WAC: variants seen among roughly 807,000 people sequenced by gnomAD.
WAC encodes the protein WW domain-containing adapter protein with coiled-coil.
In WAC, 11 loss-of-function variants were observed where a neutral mutation model predicts 79.6. That is an observed-to-expected ratio of 0.14 (90% CI 0.09 to 0.23). WAC has a LOEUF of 0.23. WAC is among the 10% of genes least tolerant of loss of function. The pLI is 1.00. For missense variants in WAC, 728 were observed against 773.5 expected (o/e 0.94, Z 0.70); for synonymous variants, 304 against 276.9 (o/e 1.10, Z -0.97).
intron 3 of WAC, among the ~76,000 whole-genome samples, chr10:28,571,355 T>C (rs1838954440): frequency 6.6e-6 from 1 of 152,214 alleles, no homozygotes; most frequent in Admixed American, 6.5e-5. Context: ...TGAGATCTGT[T>C]CTTTCTTTAG....
At chr10:28,539,583 TC>T (rs764724352) in intron 3 of WAC, among the ~76,000 whole-genome samples, 6 of 142,066 alleles carry the variant, frequency 4.2e-5, no homozygotes, top group South Asian at 2.3e-4. Flanking sequence ...TTTTTTTTTT[TC>T]TGGAGACAGA....
intron 3 of WAC, among the ~76,000 whole-genome samples, chr10:28,578,028 G>T (rs189507540): frequency 4.4e-4 from 67 of 152,196 alleles, no homozygotes; most frequent in Admixed American, 1.2e-3. Flanking sequence ...ACATGGTAGC[G>T]TATATCTGTA....
intron 3 of WAC, among the ~76,000 whole-genome samples, chr10:28,547,231 T>G (rs1042908200): frequency 1.3e-5 from 2 of 152,180 alleles, no homozygotes; most frequent in African/African-American, 4.8e-5. Flanking sequence ...TACATATGTT[T>G]GCTTAAAGAT....
At chr10:28,599,953 G>T (rs888960658) in intron 7 of WAC, among the ~76,000 whole-genome samples, 19 of 152,064 alleles carry the variant, frequency 1.2e-4, no homozygotes, top group African/African-American at 4.6e-4. Context: ...TTTATCAGTT[G>T]GCACCCAAAT....
intron 3 of WAC, among the ~76,000 whole-genome samples, chr10:28,559,891 TCA>T (rs977478945): frequency 6.6e-6 from 1 of 152,182 alleles, no homozygotes; most frequent in African/African-American, 2.4e-5. Flanking sequence ...CTTTTCTTTC[TCA>T]CAAGGGCTAG....
At chr10:28,605,081 G>A (rs1252538279) in intron 7 of WAC, among the ~76,000 whole-genome samples, 1 of 152,158 alleles carries the variant, frequency 6.6e-6, no homozygotes, top group Non-Finnish European at 1.5e-5. Flanking sequence ...TTGAGAGAGT[G>A]GAGCAATAAA....
In WAC at chr10:28,621,762, C is replaced by CT. The variant is rs1187890602; in HGVS notation, c.*2158dup. On this transcript the variant is annotated 3_prime_UTR_variant, in exon 14 of 14. Coordinates refer to ENST00000354911, the MANE Select transcript of WAC (RefSeq NM_016628.5). ...TTTAGGTAAATTTGAATTTGATTTGCTTATAGTCTACTGGTCTGTGTACCT... is the reference window on the plus strand; with the variant it reads ...TTTAGGTAAATTTGAATTTGATTTGCTTTATAGTCTACTGGTCTGTGTACCT... 1 of 152,130 alleles carries CT rather than the reference C, an allele frequency of 6.6e-6. No individual in the cohort carries two copies. The highest frequency in any genetic ancestry group is 6.6e-5 in the Admixed American group (1 of 15,266). 9.4% of individuals were successfully genotyped at this position (152,130 alleles called of 1,614,324 possible).
intron 13 of WAC, among the ~76,000 whole-genome samples, chr10:28,619,084 G>A (rs1841594914): frequency 6.6e-6 from 1 of 152,222 alleles, no homozygotes; most frequent in African/African-American, 2.4e-5. Context: ...TTCAAGACCA[G>A]CCTGGCCAAC....
intron 7 of WAC, among the ~76,000 whole-genome samples, chr10:28,607,114 A>G (rs1268218528): frequency 6.6e-6 from 1 of 152,130 alleles, no homozygotes; most frequent in Non-Finnish European, 1.5e-5. Context: ...CAGTTTGTCT[A>G]TTTTGACGTA....
In WAC at chr10:28,534,057, A is replaced by G. The variant is rs375772169; in HGVS notation, c.78+23A>G. ...CAGGTACCAGCCGAGGCCGGGGTGG[A>G]GGGATTGGAAGGGGCCGGAGGGGGA... On this transcript the variant is annotated intron_variant, in intron 2 of 13. Coordinates refer to ENST00000354911, the MANE Select transcript of WAC (RefSeq NM_016628.5). 4.4e-4 allele frequency: 694 copies of G among 1,564,666 alleles called. 1 individual carries two copies. In the African/African-American group the frequency reaches 8.6e-3, roughly 19 times the overall value.
At chr10:28,565,407 C>T (rs1838547735) in intron 3 of WAC, among the ~76,000 whole-genome samples, 1 of 152,102 alleles carries the variant, frequency 6.6e-6, no homozygotes, top group South Asian at 2.1e-4. Flanking sequence ...GGGTCTTGTT[C>T]TGTCACCCAG....
chr10:28,591,189 C>G (rs1462307824), intron 6 of WAC: 1 of 219,400 alleles, frequency 4.6e-6, no homozygotes, highest in African/African-American at 2.4e-5. Context: ...GGACACAAAT[C>G]TCACCGGCTT....
At chr10:28,595,420 ATTTT>A (rs34089783) in intron 6 of WAC, among the ~76,000 whole-genome samples, 12 of 149,092 alleles carry the variant, frequency 8.0e-5, no homozygotes, top group African/African-American at 2.0e-4. Flanking sequence ...CCATATGTTG[ATTTT>A]TTTTTTTTGT....
intron 3 of WAC, among the ~76,000 whole-genome samples, chr10:28,566,171 C>G (rs777872145): frequency 6.6e-6 from 1 of 152,132 alleles, no homozygotes; most frequent in Non-Finnish European, 1.5e-5. Flanking sequence ...AGAATACTTT[C>G]TGTCTTACTC....
In WAC at chr10:28,622,783, A is replaced by C. The variant is rs1187070038; in HGVS notation, c.*3177A>C. The C allele has an allele frequency of 6.6e-6, 1 of 152,178 alleles. No homozygotes were observed. The highest frequency in any genetic ancestry group is 1.5e-5 in the Non-Finnish European group (1 of 68,036). The allele number at this position is 152,178 out of a possible 1,614,324, so 9.4% of individuals were successfully genotyped here. A position where few individuals can be genotyped will look rare whatever the true frequency, so the allele number is the denominator to read the frequency against. On this transcript the variant is annotated 3_prime_UTR_variant, in exon 14 of 14. Transcript: ENST00000354911. ...TTTCCAAAAACAGTTTATTATGTTC[A>C]AAAACCACCATATCTTTGAGGGACT...
rs953360422 is a variant in WAC at position 28,533,177 on chromosome 10, C to T, written c.-403C>T. On this transcript the variant is annotated 5_prime_UTR_variant, in exon 1 of 14. Coordinates refer to ENST00000354911, the MANE Select transcript of WAC (RefSeq NM_016628.5). ...GCGGCACCAGCGGCGGCGGCGGCGG[C>T]GGGAGGAGGAGGAGGAGAAGAAGGA... The T allele has an allele frequency of 1.2e-5, 2 of 163,400 alleles. No individual in the cohort carries two copies. The highest frequency in any genetic ancestry group is 2.6e-5 in the Non-Finnish European group (2 of 77,052). The allele number at this position is 163,400 out of a possible 1,614,324, so 10.1% of individuals were successfully genotyped here.
chr10:28,532,782 C>G (rs1412081651), upstream of WAC: 3 of 152,952 alleles, frequency 2.0e-5, no homozygotes, highest in Admixed American at 6.5e-5. Context: ...CTTATTTAGT[C>G]CGCGATGGCT....
intron 7 of WAC, among the ~76,000 whole-genome samples, chr10:28,607,281 T>G (rs1377145915): frequency 6.6e-6 from 1 of 152,188 alleles, no homozygotes; most frequent in Non-Finnish European, 1.5e-5. Context: ...CAGTCTACCT[T>G]TAACTGGCTT....
chr10:28,614,807 G>A (rs1841404672), intron 11 of WAC, 122 bp downstream of exon 11: 2 of 807,616 alleles, frequency 2.5e-6, no homozygotes, highest in East Asian at 2.7e-5. Context: ...CCCTAAAGTA[G>A]GCTTACATGT....
Sources: allele counts gnomAD v4.1 joint callset (sites outside exome capture counted in the v4.1 genomes callset), GRCh38; gene constraint gnomAD v4.1.1; transcripts MANE v1.5; gene names NCBI Gene and HGNC (gene_info 2026-07-23, HGNC 2026-07-21).